ABCC4: variants seen among roughly 807,000 people sequenced by gnomAD.
ABCC4 encodes ATP binding cassette subfamily C member 4 (PEL blood group).
A neutral mutation model predicts 168.5 loss-of-function variants in ABCC4; 102 were observed. The observed-to-expected ratio is 0.61, with a 90% CI of 0.52 to 0.71. The LOEUF is 0.71. ABCC4 is among the 30% of genes least tolerant of loss of function. The pLI, the probability that ABCC4 is intolerant of heterozygous loss-of-function variation, is 0.00. For synonymous variants in ABCC4, 617 were observed against 590.7 expected (o/e 1.04, Z -0.65); for missense variants, 1,402 against 1,605.8 (o/e 0.87, Z 2.17).
chr13:95,127,653 C>T (rs1396954140), intron 19 of ABCC4, among the ~76,000 whole-genome samples: 1 of 152,088 alleles, frequency 6.6e-6, no homozygotes, highest in Non-Finnish European at 1.5e-5. Context: ...GGTGGTCTCC[C>T]CTTGCATCTA....
intron 3 of ABCC4, among the ~76,000 whole-genome samples, chr13:95,240,431 T>C (rs1478449731): frequency 1.3e-5 from 2 of 151,944 alleles, no homozygotes; most frequent in Admixed American, 6.6e-5. Context: ...CTCAGGAGGC[T>C]GAGGCAGGAG....
chr13:95,244,666 A>G (rs201363410), intron 3 of ABCC4, among the ~76,000 whole-genome samples: 10 of 87,846 alleles, frequency 1.1e-4, no homozygotes, highest in East Asian at 5.8e-4. Context: ...AGAAAGAAAG[A>G]AAGAAATCAT....
chr13:95,173,544 ACCT>A (rs1714018504), intron 13 of ABCC4, among the ~76,000 whole-genome samples: 1 of 152,124 alleles, frequency 6.6e-6, no homozygotes, highest in South Asian at 2.1e-4. Flanking sequence ...AGAAATTCAC[ACCT>A]CCTTCCAGGC....
At chr13:95,246,771 A>C (rs1322404377) in intron 3 of ABCC4, among the ~76,000 whole-genome samples, 1 of 152,210 alleles carries the variant, frequency 6.6e-6, no homozygotes, top group Admixed American at 6.5e-5. Flanking sequence ...CAGTCACTTA[A>C]GTATTCACCT....
intron 20 of ABCC4, among the ~76,000 whole-genome samples, chr13:95,090,658 A>T (rs147740880): frequency 6.6e-6 from 1 of 152,336 alleles, no homozygotes; most frequent in East Asian, 1.9e-4. Context: ...TCCCTCTGAC[A>T]GAGCCTACCC....
chr13:95,074,564 A>G (rs1210603901), intron 22 of ABCC4, among the ~76,000 whole-genome samples: 1 of 152,226 alleles, frequency 6.6e-6, no homozygotes, highest in East Asian at 1.9e-4. Context: ...TGATCCTAAT[A>G]AAGAACTGAG....
At chr13:95,063,680 C>T (rs1464234877) in intron 25 of ABCC4, among the ~76,000 whole-genome samples, 5 of 152,212 alleles carry the variant, frequency 3.3e-5, no homozygotes, top group Admixed American at 6.5e-5. Context: ...AGTATCACTC[C>T]TCTATTAAAG....
At chr13:95,037,084 C>CAA (rs57294033) in intron 29 of ABCC4, among the ~76,000 whole-genome samples, 7,589 of 105,464 alleles carry the variant, frequency 0.072, 398 homozygotes, top group Non-Finnish European at 0.096. Context: ...ACTCTGTGTC[C>CAA]AAAAAAAAAA....
chr13:95,029,184 A>ATCTATATCTATATC (rs1566355134), intron 30 of ABCC4, among the ~76,000 whole-genome samples: 1 of 74,800 alleles, frequency 1.3e-5, no homozygotes, highest in African/African-American at 6.5e-5. Flanking sequence ...ATATATATAT[A>ATCTATATCTATATC]TATATATATA....
At chr13:95,096,041 A>G (rs918767547) in intron 20 of ABCC4, 11 of 420,314 alleles carry the variant, frequency 2.6e-5, no homozygotes, top group African/African-American at 1.2e-4. Context: ...CAAAAATTGA[A>G]TATCAAAAAA....
At chr13:95,193,551 G>A (rs1438882472) in intron 9 of ABCC4, among the ~76,000 whole-genome samples, 2 of 152,168 alleles carry the variant, frequency 1.3e-5, no homozygotes, top group African/African-American at 4.8e-5. Context: ...CGAATTCCCT[G>A]CACAAAATTC....
chr13:95,240,196 A>G (rs943555407), intron 3 of ABCC4, among the ~76,000 whole-genome samples: 1 of 152,254 alleles, frequency 6.6e-6, no homozygotes, highest in South Asian at 2.1e-4. Context: ...AATGAGCCCA[A>G]TCTAGACCCT....
chr13:95,080,198 C>T (rs945065145), intron 21 of ABCC4, among the ~76,000 whole-genome samples: 2 of 152,162 alleles, frequency 1.3e-5, no homozygotes, highest in South Asian at 2.1e-4. Flanking sequence ...GCAGACATTG[C>T]TAGTGGATCA....
intron 27 of ABCC4, among the ~76,000 whole-genome samples, chr13:95,047,456 A>C (rs1241309168): frequency 7.1e-6 from 1 of 141,210 alleles, no homozygotes; most frequent in East Asian, 2.0e-4. Flanking sequence ...TCCTTCCTGG[A>C]CAATGAAATA....
At chr13:95,167,490 G>C (rs956062591) in intron 14 of ABCC4, among the ~76,000 whole-genome samples, 2 of 152,136 alleles carry the variant, frequency 1.3e-5, no homozygotes, top group Non-Finnish European at 2.9e-5. Context: ...GACCCTCCCT[G>C]CTACCCCAAT....
chr13:95,179,085 T>C (rs2037805736), intron 11 of ABCC4, among the ~76,000 whole-genome samples: 2 of 152,222 alleles, frequency 1.3e-5, no homozygotes, highest in Non-Finnish European at 2.9e-5. Context: ...CTATCCTGAC[T>C]TGCGGCTGGA....
At position 95,126,734 on chromosome 13, in the gene ABCC4, T is replaced by TATATATATATTCCAAA. The variant is rs1555316775; in HGVS notation, c.2456-10734_2456-10733insTTTGGAATATATATAT. 2.3e-4 allele frequency among the ~76,000 whole-genome samples: 29 copies of TATATATATATTCCAAA among 123,940 alleles called. 2 individuals are homozygous for TATATATATATTCCAAA. The highest frequency in any genetic ancestry group is 8.9e-4 in the African/African-American group (29 of 32,700). 81.3% of individuals were successfully genotyped at this position (123,940 alleles called of 152,430 possible). Reference sequence around the variant, plus strand: ...ACTTTTTTTGGAATATATATATATATATATATATATATATATATATTCCAA... The same window carrying TATATATATATTCCAAA: ...ACTTTTTTTGGAATATATATATATATATATATATATTCCAAAATATATATATATATATATATTCCAA... On this transcript the variant is annotated intron_variant, in intron 19 of 30. Coordinates refer to ENST00000645237, the MANE Select transcript of ABCC4 (RefSeq NM_005845.5).
rs530433281 is a variant in ABCC4, at chr13:95,093,398, A to G, written c.2536-10108T>C. On this transcript the variant is annotated intron_variant, in intron 20 of 30. Transcript: ENST00000645237. ...AGAGATGGTTTAACATATGCAAGTC[A>G]ATAAATGTGATACACCACATAAACA... is the stretch of plus-strand genomic sequence containing the variant. 2.6e-3 allele frequency among the ~76,000 whole-genome samples: 390 copies of G among 152,356 alleles called. 2 individuals are homozygous for G. Among genetic ancestry groups the G allele is most frequent in the African/African-American group, 9.0e-3 (376 of 41,590 alleles).
At chr13:95,203,134 GC>G (rs2139665713) in intron 8 of ABCC4, among the ~76,000 whole-genome samples, 2 of 152,234 alleles carry the variant, frequency 1.3e-5, no homozygotes, top group Non-Finnish European at 2.9e-5. Flanking sequence ...AGGCACTTGG[GC>G]CCCTCCTTGT....
Sources: allele counts gnomAD v4.1 joint callset (sites outside exome capture counted in the v4.1 genomes callset), GRCh38; gene constraint gnomAD v4.1.1; transcripts MANE v1.5; gene names NCBI Gene and HGNC (gene_info 2026-07-23, HGNC 2026-07-21).